The following WDR91 variants were observed in gnomAD, a reference collection of about 807,000 sequenced individuals.
WDR91 encodes WD repeat-containing protein 91.
In WDR91, 52 loss-of-function variants were observed where a neutral mutation model predicts 88.4. The ratio of observed to expected loss-of-function variants is 0.59; its 90% CI spans 0.47 to 0.74. The LOEUF (loss-of-function observed/expected upper bound fraction) is 0.74, where lower values mean the gene tolerates loss of function less well. Ranked by LOEUF, WDR91 falls within the 30% of genes least tolerant of loss-of-function variation. WDR91 has a pLI of 0.00. For synonymous variants in WDR91, 362 were observed against 389.5 expected (o/e 0.93, Z 0.83); for missense variants, 824 against 954.5 (o/e 0.86, Z 1.80).
At chr7:135,191,554 G>A (rs1276144068) in intron 11 of WDR91, among the ~76,000 whole-genome samples, 6 of 140,966 alleles carry the variant, frequency 4.3e-5, no homozygotes, top group African/African-American at 1.3e-4. Context: ...GTGCTGAGCA[G>A]AGATTGTGCC....
rs575678567 is a variant in WDR91 at position 135,193,788 on chromosome 7, G to A, written c.1396-116C>T. The A allele has an allele frequency of 5.4e-4, 417 of 774,312 alleles. No homozygotes were observed. The African/African-American group carries it at 6.3e-3, about 12-fold the overall frequency. The allele number at this position is 774,312 out of a possible 1,614,324, so 48.0% of individuals were successfully genotyped here. ...TGTGGGGGTGAGGCCCCTCCTCTAC[G>A]CATCCAGGCAGTTCAGGGGAAATCT... On this transcript the variant is annotated intron_variant, in intron 9 of 14. Coordinates refer to ENST00000354475, the MANE Select transcript of WDR91 (RefSeq NM_014149.4).
chr7:135,197,873 T>C, intron 7 of WDR91, 120 bp downstream of exon 7: 1 of 1,297,442 alleles, frequency 7.7e-7, no homozygotes, highest in African/African-American at 1.5e-5. Context: ...TTGAAACCAA[T>C]TAAGCAAAAG....
rs924494963 is a variant in WDR91, at chr7:135,196,087, T to G, written c.1244+57A>C. 2.1e-6 allele frequency: 3 copies of G among 1,448,564 alleles called. No homozygotes were observed. The highest frequency in any genetic ancestry group is 2.5e-5 in the Admixed American group (1 of 40,804). 89.7% of individuals were successfully genotyped at this position (1,448,564 alleles called of 1,614,324 possible). A position where few individuals can be genotyped will look rare whatever the true frequency, so the allele number is the denominator to read the frequency against. On this transcript the variant is annotated intron_variant, in intron 8 of 14. Transcript: ENST00000354475. The surrounding 1 kb of genome is among the most constrained non-coding windows in gnomAD (Gnocchi z 4.2). Reference sequence around the variant, plus strand: ...ATCTCCTGCTGGCCACACCTCCACGTGTACTGCCTGAAAATCTGAGCTTCC... The same window carrying G: ...ATCTCCTGCTGGCCACACCTCCACGGGTACTGCCTGAAAATCTGAGCTTCC...
intron 12 of WDR91, among the ~76,000 whole-genome samples, chr7:135,188,783 G>A (rs1276258607): frequency 6.6e-6 from 1 of 152,278 alleles, no homozygotes; most frequent in African/African-American, 2.4e-5. Context: ...GGAGTCCCTG[G>A]GGGGAGCTCA....
intron 13 of WDR91, 68 bp from the exon 14 acceptor site, chr7:135,187,237 C>A: frequency 6.5e-7 from 1 of 1,548,556 alleles, no homozygotes; most frequent in Non-Finnish European, 8.9e-7. Context: ...AAGGAAGAGC[C>A]AGGACCCACC....
intron 5 of WDR91, among the ~76,000 whole-genome samples, chr7:135,205,210 G>A (rs1382294141): frequency 6.6e-6 from 1 of 152,216 alleles, no homozygotes; most frequent in Non-Finnish European, 1.5e-5. Context: ...AACCGTCAGA[G>A]AGGTGCATGC....
At chr7:135,207,450 A>G (rs1831839851) in intron 3 of WDR91, 1 of 493,294 alleles carries the variant, frequency 2.0e-6, no homozygotes, top group Non-Finnish European at 4.0e-6. Context: ...TGGCCAGCCC[A>G]CAGAGGGGAC....
At chr7:135,189,857 C>G (rs964372271) in intron 11 of WDR91, among the ~76,000 whole-genome samples, 1 of 152,306 alleles carries the variant, frequency 6.6e-6, no homozygotes, top group South Asian at 2.1e-4. Flanking sequence ...CTATGGCTCC[C>G]CACAGAAACA....
chr7:135,204,313 A>G lies in WDR91; in HGVS notation c.846T>C (p.Pro282=). The G allele has an allele frequency of 6.2e-7, 1 of 1,614,042 alleles. No homozygotes were observed. Among genetic ancestry groups the G allele is most frequent in the Non-Finnish European group, 8.5e-7 (1 of 1,179,990 alleles). ...TCTTGGCCGAGCTCTGAGGTTGAGGAGGGCCCTGAGCAGGCGACAACCTTG... is the reference window on the plus strand; with the variant it reads ...TCTTGGCCGAGCTCTGAGGTTGAGGGGGGCCCTGAGCAGGCGACAACCTTG... ...SPSRLSPAQG[P]PQPQSSAKKE... is the part of the protein sequence containing the mutation. Residue 282 remains proline (P), a synonymous_variant, in exon 6 of 15, where the codon CCT becomes CCC. Transcript: ENST00000354475.
At chr7:135,201,644 A>AT (rs957459125) in intron 6 of WDR91, 2 of 152,190 alleles carry the variant, frequency 1.3e-5, no homozygotes, top group African/African-American at 4.8e-5. Context: ...AATACAGCCT[A>AT]TTTTTTGTGT....
intron 9 of WDR91, 170 bp from the exon 10 acceptor site, chr7:135,193,842 A>G (rs1011266583): frequency 4.9e-6 from 3 of 606,462 alleles, no homozygotes; most frequent in East Asian, 5.6e-5. Context: ...TTTAAAATTA[A>G]ACAAAGACGT....
chr7:135,206,666 G>A (rs1447863833), intron 4 of WDR91, among the ~76,000 whole-genome samples: 1 of 151,946 alleles, frequency 6.6e-6, no homozygotes, highest in East Asian at 1.9e-4. Flanking sequence ...GCATATAGCT[G>A]AGTAGGAACA....
chr7:135,198,573 T>C (rs893796825), intron 6 of WDR91: 1 of 157,524 alleles, frequency 6.3e-6, no homozygotes, highest in Non-Finnish European at 1.4e-5. Flanking sequence ...CAATCACCTC[T>C]GGAGGGAAAA....
Position 135,209,646 on chromosome 7 carries a change from T to C in WDR91, c.233A>G (p.Asp78Gly), listed in dbSNP as rs1425785620. Reference sequence around the variant, plus strand: ...CTTGTGGATTGTGGGTCTGTATATATCCTCCAAGCGGCTGAAGAGCCGACG... The same window carrying C: ...CTTGTGGATTGTGGGTCTGTATATACCCTCCAAGCGGCTGAAGAGCCGACG... ...LERRLFSRLE[D>G]IYRPTIHKLK... The change falls in exon 2 of 15, where the codon GAT becomes GGT. Residue 78 changes from aspartate (D) to glycine (G), a missense_variant. Coordinates refer to ENST00000354475, the MANE Select transcript of WDR91 (RefSeq NM_014149.4). 1.2e-6 allele frequency: 2 copies of C among 1,613,190 alleles called. No homozygotes were observed. The highest frequency in any genetic ancestry group is 8.5e-7 in the Non-Finnish European group (1 of 1,179,680).
At chr7:135,203,776 C>T (rs190054493) in intron 6 of WDR91, among the ~76,000 whole-genome samples, 2 of 152,218 alleles carry the variant, frequency 1.3e-5, no homozygotes, top group African/African-American at 4.8e-5. Flanking sequence ...TCTTCAAAGC[C>T]TACTTCCTGT....
intron 4 of WDR91, 94 bp from the exon 5 acceptor site, chr7:135,206,152 G>A: frequency 6.5e-7 from 1 of 1,529,514 alleles, no homozygotes; most frequent in Non-Finnish European, 9.0e-7. Flanking sequence ...AAGCCCACTG[G>A]TCTGAGTGCC....
rs765327085 is a variant in WDR91 at position 135,187,136 on chromosome 7, T to G, written c.1915A>C (p.Lys639Gln). 15 of 1,614,122 alleles carry G rather than the reference T, an allele frequency of 9.3e-6. No individual in the cohort carries two copies. Among genetic ancestry groups the G allele is most frequent in the Non-Finnish European group, 1.3e-5 (15 of 1,180,060 alleles). Residue 639 changes from lysine (K) to glutamine (Q), a missense_variant, in exon 14 of 15, where the codon AAG becomes CAG. Physicochemically the swap from Lys to Gln is moderately conservative, Grantham distance 53. Coordinates refer to ENST00000354475, the MANE Select transcript of WDR91 (RefSeq NM_014149.4). Reference protein sequence around the residue: ...IQWNIHKSGLKVSEYSLPSDA... With the variant: ...IQWNIHKSGLQVSEYSLPSDA... Reference sequence around the variant, plus strand: ...GAGGGGAGGCTGTACTCGGATACCTTGAGGCCACTCTTGTGGATGTTCCAC... The same window carrying G: ...GAGGGGAGGCTGTACTCGGATACCTGGAGGCCACTCTTGTGGATGTTCCAC...
intron 1 of WDR91, among the ~76,000 whole-genome samples, 165 bp downstream of exon 1, chr7:135,211,215 G>A (rs1832005539): frequency 6.6e-6 from 1 of 152,228 alleles, no homozygotes; most frequent in Non-Finnish European, 1.5e-5. Flanking sequence ...CCGTCTGAGG[G>A]TCTCAGTTCC....
chr7:135,197,091 GC>G, intron 7 of WDR91: 1 of 152,316 alleles, frequency 6.6e-6, no homozygotes. Flanking sequence ...CTCTCTACCA[GC>G]CCTGGGGTCC....
Sources: allele counts gnomAD v4.1 joint callset (sites outside exome capture counted in the v4.1 genomes callset), GRCh38; gene constraint gnomAD v4.1.1; non-coding constraint Gnocchi (gnomAD v3.1); transcripts MANE v1.5; gene names NCBI Gene and HGNC (gene_info 2026-07-23, HGNC 2026-07-21).